Variants in CDH18 observed in about 807,000 individuals in gnomAD.
CDH18 encodes the protein cadherin-18.
A neutral mutation model predicts 67.9 loss-of-function variants in CDH18; 31 were observed. The ratio of observed to expected loss-of-function variants is 0.46; its 90% CI spans 0.34 to 0.62. CDH18 has a LOEUF of 0.62. Among genes scored for constraint, CDH18 ranks in the 20% least tolerant of loss-of-function variants. The probability of loss-of-function intolerance (pLI) is 0.01; values close to 1 mark genes in which losing one functional copy is unlikely to be tolerated. For missense variants in CDH18, 890 were observed against 975.5 expected (o/e 0.91, Z 1.17); for synonymous variants, 362 against 347.2 (o/e 1.04, Z -0.48).
At chr5:20,305,316 T>A in intron 1 of CDH18, 1 of 1,571,120 alleles carries the variant, frequency 6.4e-7, no homozygotes, top group Non-Finnish European at 8.8e-7. Context: ...ATCCAACATT[T>A]CTGCGCTTTG....
rs140452915 is a variant in CDH18, at chr5:20,358,496, A to G, written c.-579-102991T>C. On this transcript the variant is annotated intron_variant, in intron 1 of 14. Coordinates refer to the CDH18 transcript ENST00000507958. ...AGAGGTAGGTGTTACATCCTTATGC[A>G]TTATTCATATGAGGTTTTACTCAAC... 4.8e-3 allele frequency among the ~76,000 whole-genome samples: 729 copies of G among 152,306 alleles called. 20 individuals are homozygous for G. The highest frequency in any genetic ancestry group is 0.032 in the Admixed American group (496 of 15,290).
At position 20,456,584 on chromosome 5, in the gene CDH18, A is replaced by G. The variant is rs1297349462; in HGVS notation, c.-580+118878T>C. Among the ~76,000 whole-genome samples, 4 of 152,178 alleles carry G rather than the reference A, an allele frequency of 2.6e-5. No homozygotes were observed. In the South Asian group the frequency reaches 6.2e-4, roughly 24 times the overall value. ...AAATTAGTACAAAATTCCAAAATTCAGTATTTCTCTCAAAGGGAAAACAGT... is the reference window on the plus strand; with the variant it reads ...AAATTAGTACAAAATTCCAAAATTCGGTATTTCTCTCAAAGGGAAAACAGT... On this transcript the variant is annotated intron_variant, in intron 1 of 14. Coordinates refer to the CDH18 transcript ENST00000507958.
intron 1 of CDH18, among the ~76,000 whole-genome samples, chr5:20,262,326 T>A (rs1255666811): frequency 6.6e-6 from 1 of 152,196 alleles, no homozygotes; most frequent in Non-Finnish European, 1.5e-5. Flanking sequence ...CACGGAGCAA[T>A]AACTAGGTCA....
At chr5:19,871,226 G>C (rs192589825) in intron 2 of CDH18, among the ~76,000 whole-genome samples, 7 of 152,146 alleles carry the variant, frequency 4.6e-5, no homozygotes, top group African/African-American at 1.7e-4. Flanking sequence ...CATCCTTTTT[G>C]TATTTTCAGA....
intron 8 of CDH18, among the ~76,000 whole-genome samples, chr5:19,555,325 GAA>G (rs1165532651): frequency 1.3e-5 from 2 of 152,298 alleles, no homozygotes; most frequent in East Asian, 3.9e-4. Context: ...GATAGCTGAG[GAA>G]TTGTGAGTTG....
At chr5:20,308,877 T>C (rs1187103250) in intron 1 of CDH18, among the ~76,000 whole-genome samples, 1 of 152,196 alleles carries the variant, frequency 6.6e-6, no homozygotes, top group Non-Finnish European at 1.5e-5. Context: ...TCTGGCATTT[T>C]GTTGTATGTA....
intron 1 of CDH18, among the ~76,000 whole-genome samples, chr5:20,574,499 G>T (rs1382539866): frequency 6.6e-6 from 1 of 151,874 alleles, no homozygotes; most frequent in South Asian, 2.1e-4. Context: ...CAAACAAATT[G>T]ACATAAAAAT....
rs1798169382 is a variant in CDH18, at chr5:19,972,973, T to C, written c.-257+8087A>G. 2.0e-5 allele frequency among the ~76,000 whole-genome samples: 3 copies of C among 151,946 alleles called. No homozygotes were observed. The South Asian group carries it at 6.2e-4, about 31-fold the overall frequency. On this transcript the variant is annotated intron_variant, in intron 2 of 12. Coordinates refer to ENST00000382275, the MANE Select transcript of CDH18 (RefSeq NM_004934.5). ...CCGTTTCTATTATTATCTGAAGTAATAGTCAATAATATTAATTAATAATAT... is the reference window on the plus strand; with the variant it reads ...CCGTTTCTATTATTATCTGAAGTAACAGTCAATAATATTAATTAATAATAT...
chr5:19,480,579 G>C (rs1357114381), intron 12 of CDH18, among the ~76,000 whole-genome samples: 1 of 151,640 alleles, frequency 6.6e-6, no homozygotes, highest in Non-Finnish European at 1.5e-5. Flanking sequence ...GGGTTTCACC[G>C]TGTTAGCCAG....
At chr5:20,248,112 ATT>A (rs1292693773) in intron 2 of CDH18, among the ~76,000 whole-genome samples, 1 of 152,066 alleles carries the variant, frequency 6.6e-6, no homozygotes, top group Non-Finnish European at 1.5e-5. Flanking sequence ...TGATCAGTGA[ATT>A]TTTTTGAAGT....
intron 2 of CDH18, among the ~76,000 whole-genome samples, chr5:20,205,158 C>A (rs1031157414): frequency 3.3e-5 from 5 of 151,800 alleles, no homozygotes; most frequent in Non-Finnish European, 7.4e-5. Context: ...CCTATAAATG[C>A]GTACATATAC....
chr5:20,378,450 G>C (rs1743645745), intron 1 of CDH18, among the ~76,000 whole-genome samples: 1 of 151,942 alleles, frequency 6.6e-6, no homozygotes, highest in Non-Finnish European at 1.5e-5. Flanking sequence ...GTCCTGCGAG[G>C]GTCCAGCACT....
At chr5:20,509,359 A>C (rs1754871726) in intron 1 of CDH18, among the ~76,000 whole-genome samples, 1 of 150,864 alleles carries the variant, frequency 6.6e-6, no homozygotes, top group African/African-American at 2.4e-5. Flanking sequence ...TATTTCCCTT[A>C]ATATAATCTA....
At chr5:19,619,087 T>C (rs1270147598) in intron 5 of CDH18, among the ~76,000 whole-genome samples, 1 of 152,164 alleles carries the variant, frequency 6.6e-6, no homozygotes, top group African/African-American at 2.4e-5. Context: ...TTTATGAAGA[T>C]AATGCATCTT....
chr5:20,342,124 A>G (rs945818497), intron 1 of CDH18, among the ~76,000 whole-genome samples: 2 of 152,140 alleles, frequency 1.3e-5, no homozygotes, highest in Non-Finnish European at 2.9e-5. Context: ...TTATCATATG[A>G]GTGGCTGACC....
intron 2 of CDH18, among the ~76,000 whole-genome samples, chr5:19,879,964 T>C (rs2150051881): frequency 6.6e-6 from 1 of 152,172 alleles, no homozygotes. Context: ...CCAGGCAAAT[T>C]ATAGAAAACT....
chr5:20,501,044 T>C (rs1318904290), intron 1 of CDH18, among the ~76,000 whole-genome samples: 1 of 152,152 alleles, frequency 6.6e-6, no homozygotes, highest in African/African-American at 2.4e-5. Flanking sequence ...CTAAAGACTT[T>C]GGAAAATTTT....
chr5:19,550,498 G>A (rs1737220730), intron 8 of CDH18, among the ~76,000 whole-genome samples: 1 of 151,456 alleles, frequency 6.6e-6, no homozygotes, highest in Admixed American at 6.6e-5. Context: ...CAACCTATGA[G>A]TAAGAACATG....
rs181930301 is a variant in CDH18 at position 20,160,893 on chromosome 5, G to A, written c.-518+94551C>T. ...CATTGGTCCGCCAAGAATGGTGTTCGTATTTTTAAATGGTTATAAAAAAAG... is the reference window on the plus strand; with the variant it reads ...CATTGGTCCGCCAAGAATGGTGTTCATATTTTTAAATGGTTATAAAAAAAG... On this transcript the variant is annotated intron_variant, in intron 2 of 14. Transcript: ENST00000507958. 5.8e-4 allele frequency among the ~76,000 whole-genome samples: 89 copies of A among 152,278 alleles called. No individual in the cohort carries two copies. The South Asian group carries it at 0.016, about 28-fold the overall frequency.
Sources: gnomAD v4.1 joint callset for allele counts (sites outside exome capture counted in the v4.1 genomes callset) on GRCh38, gnomAD v4.1.1 for gene constraint, MANE v1.5 for transcripts, NCBI Gene and HGNC (gene_info 2026-07-23, HGNC 2026-07-21) for gene names.